IFI16: variants seen among roughly 807,000 people sequenced by gnomAD.
The protein encoded by IFI16 is gamma-interferon-inducible protein 16.
Under a neutral mutation model 68.4 loss-of-function variants are expected in IFI16, and 49 were observed. The ratio of observed to expected loss-of-function variants is 0.72; its 90% confidence interval spans 0.57 to 0.91. The LOEUF is 0.91. Ranked by LOEUF, IFI16 falls within the 40% of genes least tolerant of loss-of-function variation. The pLI is 0.00. For missense variants in IFI16, 878 were observed against 942.9 expected (o/e 0.93, Z 0.90); for synonymous variants, 307 against 315.0 (o/e 0.97, Z 0.27).
intron 7 of IFI16, among the ~76,000 whole-genome samples, chr1:159,034,372 T>G (rs939396593): frequency 6.6e-6 from 1 of 152,190 alleles, no homozygotes; most frequent in African/African-American, 2.4e-5. Context: ...ATGAAGTGCT[T>G]CCTGACTCAA....
Position 159,054,820 on chromosome 1 carries a change from G to C in IFI16, c.2278-1G>C. 6.4e-7 allele frequency: 1 copy of C among 1,572,886 alleles called. No individual in the cohort carries two copies. The highest frequency in any genetic ancestry group is 8.7e-7 in the Non-Finnish European group (1 of 1,145,634). On this transcript the variant is annotated splice_acceptor_variant, in intron 11 of 11. Transcript: ENST00000295809. LOFTEE classifies it high-confidence loss of function. Reference sequence around the variant, plus strand: ...CTGTCTTTATCTCTTTCTCCTTCAAGGTCATCAAGACCAGGAAAAACAAGA... The same window carrying C: ...CTGTCTTTATCTCTTTCTCCTTCAACGTCATCAAGACCAGGAAAAACAAGA...
chr1:159,054,940 G>T lies in IFI16; in HGVS notation c.*39G>T. 1 of 1,183,762 alleles carries T rather than the reference G, an allele frequency of 8.4e-7. No individual in the cohort carries two copies. Among genetic ancestry groups the T allele is most frequent in the South Asian group, 1.3e-5 (1 of 78,322 alleles). The allele number at this position is 1,183,762 out of a possible 1,614,324, so 73.3% of individuals were successfully genotyped here. A position where few individuals can be genotyped will look rare whatever the true frequency, so the allele number is the denominator to read the frequency against. ...TTGACGATAATGTTTATGGAGATAA[G>T]GTCTAAGTGCCTAAAAAAATGTACA... is the stretch of plus-strand genomic sequence containing the variant. On this transcript the variant is annotated 3_prime_UTR_variant, in exon 12 of 12. Transcript: ENST00000295809.
chr1:159,045,383 G>A lies in IFI16; in HGVS notation c.1416G>A (p.Met472Ile), dbSNP rs1361620653. The A allele has an allele frequency of 6.3e-7, 1 of 1,586,994 alleles. No homozygotes were observed. The highest frequency in any genetic ancestry group is 1.4e-5 in the African/African-American group (1 of 73,714). Residue 472 changes from methionine (M) to isoleucine (I), a missense_variant, in exon 8 of 12, where the codon ATG becomes ATA. By Grantham distance (10) the Met-to-Ile change is conservative. Coordinates refer to ENST00000295809, the MANE Select transcript of IFI16 (RefSeq NM_001376587.1). ...KEGSHFPGPF[M>I]TSIGPAESHP... ...GGAGTCATTTTCCAGGACCGTTCATGACCAGCATAGGCCCAGCTGAGAGCC... is the reference window on the plus strand; with the variant it reads ...GGAGTCATTTTCCAGGACCGTTCATAACCAGCATAGGCCCAGCTGAGAGCC...
At chr1:159,032,454 C>T in intron 6 of IFI16, 70 bp from the exon 7 acceptor site, 1 of 941,134 alleles carries the variant, frequency 1.1e-6, no homozygotes, top group South Asian at 2.1e-5. Flanking sequence ...GGATGATATT[C>T]TCACAAATGA....
intron 7 of IFI16, among the ~76,000 whole-genome samples, chr1:159,041,797 CA>C (rs1654660150): frequency 2.0e-5 from 3 of 152,058 alleles, no homozygotes; most frequent in Admixed American, 2.0e-4. Context: ...GACACATTAG[CA>C]GAGGGAAGAG....
At chr1:159,042,339 T>G (rs2518554) in intron 7 of IFI16, among the ~76,000 whole-genome samples, 150,274 of 152,296 alleles carry the variant, frequency 0.99, 74,170 homozygotes, top group East Asian at 1. Context: ...ATGATTTGAA[T>G]TATGAATAGG....
Position 159,051,602 on chromosome 1 carries a change from T to C in IFI16, c.1666-77T>C, listed in dbSNP as rs923798346. On this transcript the variant is annotated intron_variant, in intron 9 of 11. Coordinates refer to ENST00000295809, the MANE Select transcript of IFI16 (RefSeq NM_001376587.1). ...GATACTTGAGGACCAACACTGAGGCTGAGATGACTCTCACTAGAGAATGAC... is the reference window on the plus strand; with the variant it reads ...GATACTTGAGGACCAACACTGAGGCCGAGATGACTCTCACTAGAGAATGAC... 43 of 1,167,982 alleles carry C rather than the reference T, an allele frequency of 3.7e-5. No individual in the cohort carries two copies. The African/African-American group carries it at 6.3e-4, about 17-fold the overall frequency. 72.4% of individuals were successfully genotyped at this position (1,167,982 alleles called of 1,614,324 possible). A position where few individuals can be genotyped will look rare whatever the true frequency, so the allele number is the denominator to read the frequency against.
chr1:159,015,616 G>A (rs1260998449), intron 2 of IFI16: 4 of 311,850 alleles, frequency 1.3e-5, no homozygotes, highest in Non-Finnish European at 6.0e-6. Flanking sequence ...CAGAGAACAG[G>A]AAGCATGTGC....
chr1:159,019,600 AGGCGTGTGCCATC>A (rs1257936462), intron 5 of IFI16, among the ~76,000 whole-genome samples: 2 of 152,188 alleles, frequency 1.3e-5, no homozygotes, highest in East Asian at 3.9e-4. Context: ...CTGGGACTAC[AGGCGTGTGCCATC>A]ACGCCTGGCT....
chr1:159,023,712 G>A (rs1483328589), intron 6 of IFI16, among the ~76,000 whole-genome samples: 2 of 150,826 alleles, frequency 1.3e-5, no homozygotes, highest in Non-Finnish European at 2.9e-5. Flanking sequence ...TTATTTGGCA[G>A]AGTGTCTAGT....
chr1:159,053,399 G>T, intron 10 of IFI16, 134 bp from the exon 11 acceptor site: 2 of 542,106 alleles, frequency 3.7e-6, no homozygotes, highest in Non-Finnish European at 3.3e-6. Flanking sequence ...AAGCTATTTG[G>T]TACCTGTTAT....
chr1:159,014,824 T>C lies in IFI16; in HGVS notation c.144T>C (p.Ile48=), dbSNP rs1355881923. 1 of 1,614,166 alleles carries C rather than the reference T, an allele frequency of 6.2e-7. No homozygotes were observed. The highest frequency in any genetic ancestry group is 8.5e-7 in the Non-Finnish European group (1 of 1,179,990). The change falls in exon 2 of 12, where the codon ATT becomes ATC. Residue 48 remains isoleucine, a synonymous_variant. Transcript: ENST00000295809. ...GAGAAGAGTATGACAAAATTCAGATTGCTGACTTGATGGAAGAAAAGTTCC... is the reference window on the plus strand; with the variant it reads ...GAGAAGAGTATGACAAAATTCAGATCGCTGACTTGATGGAAGAAAAGTTCC... ...KMREEYDKIQ[I]ADLMEEKFRG... is the part of the protein sequence containing the mutation.
chr1:159,026,640 G>A (rs1249363673), intron 6 of IFI16, among the ~76,000 whole-genome samples: 2 of 152,114 alleles, frequency 1.3e-5, no homozygotes, highest in African/African-American at 4.8e-5. Context: ...CCATCCCCGA[G>A]CATAGGATGT....
At chr1:159,000,230 A>C in exon 1 of IFI16, 1 of 260,622 alleles carries the variant, frequency 3.8e-6, no homozygotes, top group Admixed American at 4.0e-5. Flanking sequence ...ATCTGGAAGA[A>C]AGCACTTAAA....
At chr1:159,040,556 T>C (rs555404834) in intron 7 of IFI16, among the ~76,000 whole-genome samples, 1 of 152,332 alleles carries the variant, frequency 6.6e-6, no homozygotes, top group Admixed American at 6.5e-5. Flanking sequence ...TTCAATAAGA[T>C]TCCATTAATA....
chr1:159,042,954 G>A (rs184424381), intron 7 of IFI16, among the ~76,000 whole-genome samples: 7 of 152,284 alleles, frequency 4.6e-5, no homozygotes, highest in Admixed American at 1.3e-4. Context: ...GGCAACTTGA[G>A]GGATAGGGAA....
chr1:159,014,787 A>G lies in IFI16; in HGVS notation c.107A>G (p.Asn36Ser), dbSNP rs1453363818. The G allele has an allele frequency of 6.2e-7, 1 of 1,613,880 alleles. No homozygotes were observed. The highest frequency in any genetic ancestry group is 8.5e-7 in the Non-Finnish European group (1 of 1,179,730). Residue 36 changes from asparagine to serine, a missense_variant, in exon 2 of 12, where the codon AAT becomes AGT. Physicochemically the swap from Asn to Ser is conservative, Grantham distance 46 (BLOSUM62 1). This residue lies in a region of IFI16 where 65 missense variants were observed against 96.9 expected (regional missense o/e 0.67). Coordinates refer to ENST00000295809, the MANE Select transcript of IFI16 (RefSeq NM_001376587.1). ...TTACTGAGCAACGATTTAAAACTTAATTTAAAAATGAGAGAAGAGTATGAC... is the reference window on the plus strand; with the variant it reads ...TTACTGAGCAACGATTTAAAACTTAGTTTAAAAATGAGAGAAGAGTATGAC... The part of the protein sequence containing the change: ...KSLLSNDLKL[N>S]LKMREEYDKI...
At chr1:159,026,874 CTGAAACTTTGCT>C (rs539087595) in intron 6 of IFI16, among the ~76,000 whole-genome samples, 187 of 152,174 alleles carry the variant, frequency 1.2e-3, no homozygotes, top group African/African-American at 4.2e-3. Flanking sequence ...ATTTTGTATC[CTGAAACTTTGCT>C]TGAAACTTTG....
rs530571785 is a variant in IFI16 at position 159,010,006 on chromosome 1, C to T, written c.-176C>T. The T allele has an allele frequency of 2.0e-5, 3 of 152,278 alleles. No homozygotes were observed. Among genetic ancestry groups the T allele is most frequent in the African/African-American group, 7.2e-5 (3 of 41,546 alleles). The allele number at this position is 152,278 out of a possible 1,614,324, so 9.4% of individuals were successfully genotyped here. A position where few individuals can be genotyped will look rare whatever the true frequency, so the allele number is the denominator to read the frequency against. On this transcript the variant is annotated 5_prime_UTR_variant, in exon 1 of 12. Coordinates refer to ENST00000295809, the MANE Select transcript of IFI16 (RefSeq NM_001376587.1). ...TTTTTCCTTGTTATCTTTGCAGATA[C>T]TTCATTTTCTTAGCGTTTCTGGAGA...
Sources: gnomAD v4.1 joint callset for allele counts (sites outside exome capture counted in the v4.1 genomes callset) on GRCh38, gnomAD v4.1.1 for gene constraint, gnomAD v4.1.1 regional missense constraint, MANE v1.5 for transcripts, NCBI Gene and HGNC (gene_info 2026-07-23, HGNC 2026-07-21) for gene names.